PIK3C2G: variants seen among roughly 807,000 people sequenced by gnomAD.
The protein encoded by PIK3C2G is phosphatidylinositol 3-kinase C2 domain-containing subunit gamma.
PIK3C2G carries 168 observed loss-of-function variants against 181.1 expected under a neutral mutation model. That is an observed-to-expected ratio of 0.93 (90% confidence interval 0.82 to 1.05). The LOEUF is 1.05. Among genes scored for constraint, PIK3C2G ranks in the 50% least tolerant of loss-of-function variants. The probability of loss-of-function intolerance (pLI) is 0.00; values close to 1 mark genes in which losing one functional copy is unlikely to be tolerated. For missense variants in PIK3C2G, 1,869 were observed against 1,732.8 expected (o/e 1.08, Z -1.40); for synonymous variants, 573 against 592.2 (o/e 0.97, Z 0.47).
At position 18,301,360 on chromosome 12, in the gene PIK3C2G, T is replaced by C. The variant is rs73341263; in HGVS notation, c.1034+7345T>C. On this transcript the variant is annotated intron_variant, in intron 5 of 32. Transcript: ENST00000538779. ...CCCAAAATGTGAATATTTGGTTGCT[T>C]TATGGTGTCCCATATGTCACATAGG... Among the ~76,000 whole-genome samples the C allele has an allele frequency of 8.0e-3, 1,217 of 152,294 alleles. 18 individuals are homozygous for C. Among genetic ancestry groups the C allele is most frequent in the African/African-American group, 0.028 (1,170 of 41,574 alleles).
intron 18 of PIK3C2G, among the ~76,000 whole-genome samples, chr12:18,450,254 G>A (rs1947275420): frequency 6.6e-6 from 1 of 152,164 alleles, no homozygotes. Context: ...AGCATCCCAA[G>A]TAGCTGGGAT....
intron 8 of PIK3C2G, among the ~76,000 whole-genome samples, chr12:18,328,901 C>CA (rs1439565534): frequency 2.0e-5 from 3 of 150,924 alleles, no homozygotes; most frequent in East Asian, 1.9e-4. Flanking sequence ...GGGAAATGAG[C>CA]AAAAAAAGTG....
At chr12:18,361,760 A>G (rs1192667636) in intron 11 of PIK3C2G, among the ~76,000 whole-genome samples, 1 of 152,144 alleles carries the variant, frequency 6.6e-6, no homozygotes, top group East Asian at 1.9e-4. Context: ...TTTTGTTTTC[A>G]GTAGTGTGGA....
the PIK3C2G span, chr12:18,701,696 C>T: frequency 9.3e-6 from 15 of 1,609,878 alleles, no homozygotes; most frequent in East Asian, 4.5e-5. Context: ...CCTTACCACG[C>T]TTATCAGAAC....
chr12:18,626,366 T>C (rs1454794576), intron 31 of PIK3C2G, among the ~76,000 whole-genome samples: 1 of 152,022 alleles, frequency 6.6e-6, no homozygotes, highest in East Asian at 1.9e-4. Context: ...TTTTGTAATA[T>C]GTATTCCTTG....
intron 30 of PIK3C2G, among the ~76,000 whole-genome samples, chr12:18,599,413 C>T (rs976372109): frequency 2.0e-5 from 3 of 151,862 alleles, no homozygotes; most frequent in Non-Finnish European, 4.4e-5. Flanking sequence ...AAACCAAACA[C>T]CGCATATTCT....
intron 18 of PIK3C2G, among the ~76,000 whole-genome samples, chr12:18,461,555 C>A (rs1947918620): frequency 6.6e-6 from 1 of 152,192 alleles, no homozygotes. Context: ...AGGATTTACA[C>A]TTCCATTAGC....
intron 5 of PIK3C2G, among the ~76,000 whole-genome samples, chr12:18,306,604 T>C (rs759741066): frequency 1.3e-5 from 2 of 152,170 alleles, no homozygotes; most frequent in East Asian, 1.9e-4. Context: ...AGATTTAACA[T>C]TGTAGAAATT....
At chr12:18,431,961 A>G (rs1015424186) in intron 18 of PIK3C2G, among the ~76,000 whole-genome samples, 1 of 152,208 alleles carries the variant, frequency 6.6e-6, no homozygotes, top group Admixed American at 6.5e-5. Context: ...AGAGGCAGAT[A>G]GTGGTAACAA....
rs184647934 is a variant in PIK3C2G, at chr12:18,501,422, C to T, written c.3017-1859C>T. ...CATGGGGGAAAACTGTCCACATGAT[C>T]TGATCACCTCCCACCAGGTCCCTCC... On this transcript the variant is annotated intron_variant, in intron 22 of 32. Coordinates refer to ENST00000538779, the MANE Select transcript of PIK3C2G (RefSeq NM_001288772.2). 5.5e-3 allele frequency among the ~76,000 whole-genome samples: 831 copies of T among 152,290 alleles called. 3 individuals carry two copies. The highest frequency in any genetic ancestry group is 0.019 in the African/African-American group (788 of 41,548).
intron 5 of PIK3C2G, among the ~76,000 whole-genome samples, chr12:18,302,080 C>G (rs1950199654): frequency 6.6e-6 from 1 of 152,178 alleles, no homozygotes; most frequent in Admixed American, 6.5e-5. Flanking sequence ...AATTAAACCT[C>G]AGCTTCCAGT....
rs565907686 is a variant in PIK3C2G, at chr12:18,530,124, C to T, written c.3324-8032C>T. Among the ~76,000 whole-genome samples the T allele has an allele frequency of 5.3e-5, 8 of 152,292 alleles. No individual in the cohort carries two copies. In the South Asian group the frequency reaches 1.2e-3, roughly 24 times the overall value. ...AACCTCTCAAGCATAAACCTCAGAT[C>T]ACTCCTACCAACTCCCTGCTTTAAG... On this transcript the variant is annotated intron_variant, in intron 24 of 32. Transcript: ENST00000538779.
intron 18 of PIK3C2G, among the ~76,000 whole-genome samples, chr12:18,466,003 T>A (rs1389934910): frequency 6.6e-6 from 1 of 151,650 alleles, no homozygotes; most frequent in Non-Finnish European, 1.5e-5. Flanking sequence ...TTTTTAAAAA[T>A]TTTATTCCTG....
chr12:18,500,183 C>T (rs1565452891), intron 22 of PIK3C2G, among the ~76,000 whole-genome samples: 1 of 152,168 alleles, frequency 6.6e-6, no homozygotes, highest in Non-Finnish European at 1.5e-5. Context: ...GCGCCCAGTG[C>T]TTGCCGGCCG....
intron 24 of PIK3C2G, 67 bp downstream of exon 24, chr12:18,505,528 G>A (rs1471860434): frequency 3.5e-6 from 4 of 1,140,354 alleles, no homozygotes; most frequent in Admixed American, 2.7e-5. Context: ...ACATGTAATT[G>A]CATAGAAACC....
chr12:18,522,727 T>G (rs1253818132), intron 24 of PIK3C2G, among the ~76,000 whole-genome samples: 1 of 152,124 alleles, frequency 6.6e-6, no homozygotes, highest in Non-Finnish European at 1.5e-5. Context: ...CTCTTTGAGT[T>G]GAATTTAATT....
At chr12:18,552,502 A>G (rs1334608333) in intron 26 of PIK3C2G, among the ~76,000 whole-genome samples, 4 of 152,122 alleles carry the variant, frequency 2.6e-5, no homozygotes, top group African/African-American at 9.7e-5. Flanking sequence ...ACAGAAATAA[A>G]CACTACCAAG....
At chr12:18,439,786 C>T (rs1412812583) in intron 18 of PIK3C2G, among the ~76,000 whole-genome samples, 1 of 152,044 alleles carries the variant, frequency 6.6e-6, no homozygotes, top group Non-Finnish European at 1.5e-5. Context: ...CTCCATATTG[C>T]TTTAAAACTA....
chr12:18,599,734 T>C (rs1947603150), intron 30 of PIK3C2G, among the ~76,000 whole-genome samples: 3 of 149,328 alleles, frequency 2.0e-5, no homozygotes, highest in Non-Finnish European at 4.5e-5. Flanking sequence ...AAAGTGATTG[T>C]GAAAGGTTGA....
Sources: gnomAD v4.1 joint callset for allele counts (sites outside exome capture counted in the v4.1 genomes callset) on GRCh38, gnomAD v4.1.1 for gene constraint, MANE v1.5 for transcripts, NCBI Gene and HGNC (gene_info 2026-07-23, HGNC 2026-07-21) for gene names.